PSMC5: variants seen among roughly 807,000 people sequenced by gnomAD.
PSMC5 encodes the protein 26S proteasome regulatory subunit 8.
A neutral mutation model predicts 49.1 loss-of-function variants in PSMC5; 11 were observed. The observed-to-expected ratio is 0.22, with a 90% CI of 0.14 to 0.37. The LOEUF (loss-of-function observed/expected upper bound fraction) is 0.37, where lower values mean the gene tolerates loss of function less well. PSMC5 is among the 10% of genes least tolerant of loss of function. The pLI is 1.00. For synonymous variants in PSMC5, 206 were observed against 192.2 expected (o/e 1.07, Z -0.59); for missense variants, 229 against 520.9 (o/e 0.44, Z 5.45).
intron 1 of PSMC5, 59 bp downstream of exon 1, chr17:63,827,573 A>G: frequency 6.4e-7 from 1 of 1,550,682 alleles, no homozygotes. Flanking sequence ...AGCGAGCGTG[A>G]TCTGAGTGGA....
In PSMC5 at chr17:63,829,837, C is replaced by A; in HGVS notation, c.167-15C>A. 6.2e-7 allele frequency: 1 copy of A among 1,613,480 alleles called. No individual in the cohort carries two copies. Among genetic ancestry groups the A allele is most frequent in the South Asian group, 1.1e-5 (1 of 91,028 alleles). On this transcript the variant is annotated splice_polypyrimidine_tract_variant and intron_variant, in intron 3 of 11. Transcript: ENST00000310144. ...AGGAGTAGCTAGGTGACCACTGTGTCTGTTTGCCATCTAGTTCGCCTATTG... is the reference window on the plus strand; with the variant it reads ...AGGAGTAGCTAGGTGACCACTGTGTATGTTTGCCATCTAGTTCGCCTATTG...
chr17:63,830,691 G>T lies in PSMC5; in HGVS notation c.553-118G>T. 7.3e-7 allele frequency: 1 copy of T among 1,365,330 alleles called. No individual in the cohort carries two copies. The highest frequency in any genetic ancestry group is 2.7e-5 in the African/African-American group (1 of 37,234). The allele number at this position is 1,365,330 out of a possible 1,614,324, so 84.6% of individuals were successfully genotyped here. Reference sequence around the variant, plus strand: ...TGGTTTGGATAGAAGGGACCTTGATGTTCCTTTTTTTTTTTTGTATCCCTA... The same window carrying T: ...TGGTTTGGATAGAAGGGACCTTGATTTTCCTTTTTTTTTTTTGTATCCCTA... On this transcript the variant is annotated intron_variant, in intron 6 of 11. Coordinates refer to ENST00000310144, the MANE Select transcript of PSMC5 (RefSeq NM_002805.6). The surrounding 1 kb of genome is among the most constrained non-coding windows in gnomAD (Gnocchi z 4.0).
At chr17:63,829,267 G>C (rs2040151576) in intron 2 of PSMC5, 2 of 489,166 alleles carry the variant, frequency 4.1e-6, no homozygotes, top group African/African-American at 3.9e-5. Context: ...TGTTACTCCT[G>C]GACCAGTATT....
In PSMC5 at chr17:63,830,199, G is replaced by A; in HGVS notation, c.321+10G>A. ...CATTGACATCAATGATGTGAGTGTA[G>A]CAGGTGAGGTGGTGGTGGTGGTGGG... On this transcript the variant is annotated intron_variant, in intron 5 of 11. Transcript: ENST00000310144. This position sits in a 1 kb window ranked among gnomAD's most constrained non-coding sequence, Gnocchi z 4.0. 1.2e-6 allele frequency: 2 copies of A among 1,614,128 alleles called. No individual in the cohort carries two copies. The highest frequency in any genetic ancestry group is 2.2e-5 in the East Asian group (1 of 44,886).
At chr17:63,828,767 A>G (rs1173441879) in intron 2 of PSMC5, 1 of 155,954 alleles carries the variant, frequency 6.4e-6, no homozygotes, top group African/African-American at 2.4e-5. Flanking sequence ...TATGGCTTCC[A>G]GTAGTAAGCC....
At chr17:63,829,322 C>G in intron 2 of PSMC5, 172 bp from the exon 3 acceptor site, 1 of 626,184 alleles carries the variant, frequency 1.6e-6, no homozygotes, top group East Asian at 2.8e-5. Context: ...TCCAGAGGGA[C>G]TCTTGAAGGA....
In PSMC5 at chr17:63,831,690, A is replaced by G; in HGVS notation, c.1081-34A>G. 21 of 1,613,908 alleles carry G rather than the reference A, an allele frequency of 1.3e-5. No individual in the cohort carries two copies. Among genetic ancestry groups the G allele is most frequent in the Non-Finnish European group, 1.8e-5 (21 of 1,179,760 alleles). On this transcript the variant is annotated intron_variant, in intron 10 of 11. Transcript: ENST00000310144. This position sits in a 1 kb window ranked among gnomAD's most constrained non-coding sequence, Gnocchi z 6.3. ...CTCAAGGGCCACAGATGAGGGGCAC[A>G]GCAGTGGGGCCTCAATTTCCTTTTC... is the stretch of plus-strand genomic sequence containing the variant.
chr17:63,827,483 G>T lies in PSMC5; in HGVS notation c.-8G>T. 1 of 1,551,744 alleles carries T rather than the reference G, an allele frequency of 6.4e-7. No individual in the cohort carries two copies. The highest frequency in any genetic ancestry group is 8.7e-7 in the Non-Finnish European group (1 of 1,147,006). On this transcript the variant is annotated 5_prime_UTR_variant, in exon 1 of 12. It introduces an in-frame stop codon into an upstream open reading frame of the 5' UTR. Transcript: ENST00000310144. ...TCGGATGCCGGCGGTCTCTGCTGAAGAGAGAAGATGGCGCTTGACGGACCA... is the reference window on the plus strand; with the variant it reads ...TCGGATGCCGGCGGTCTCTGCTGAATAGAGAAGATGGCGCTTGACGGACCA...
At position 63,828,168 on chromosome 17, in the gene PSMC5, G is replaced by A; in HGVS notation, c.55G>A (p.Gly19Arg). 2 of 1,614,134 alleles carry A rather than the reference G, an allele frequency of 1.2e-6. No individual in the cohort carries two copies. Among genetic ancestry groups the A allele is most frequent in the Non-Finnish European group, 8.5e-7 (1 of 1,180,028 alleles). Reference protein sequence around the residue: ...MELEEGKAGSGLRQYYLSKIE... With the variant: ...MELEEGKAGSRLRQYYLSKIE... The stretch of plus-strand genomic sequence containing the variant: ...GCTGGAGGAGGGGAAGGCAGGCAGC[G>A]GACTCCGCCAATATTATCTGTCCAA... The change falls in exon 2 of 12, where the codon GGA becomes AGA. Residue 19 changes from glycine (G) to arginine (R), a missense_variant. Transcript: ENST00000310144.
Position 63,830,847 on chromosome 17 carries a change from A to G in PSMC5, c.591A>G (p.Thr197=), listed in dbSNP as rs1471812568. The G allele has an allele frequency of 3.1e-6, 5 of 1,613,922 alleles. No individual in the cohort carries two copies. Among genetic ancestry groups the G allele is most frequent in the Middle Eastern group, 1.6e-4 (1 of 6,084 alleles). ...LLYGPPGTGK[T]LLARAVAHHT... Reference sequence around the variant, plus strand: ...ATGGACCTCCAGGCACTGGGAAGACACTGTTGGCCCGGGCTGTGGCTCATC... The same window carrying G: ...ATGGACCTCCAGGCACTGGGAAGACGCTGTTGGCCCGGGCTGTGGCTCATC... Residue 197 remains threonine (T), a synonymous_variant, in exon 7 of 12, where the codon ACA becomes ACG. Coordinates refer to ENST00000310144, the MANE Select transcript of PSMC5 (RefSeq NM_002805.6). This position sits in a 1 kb window ranked among gnomAD's most constrained non-coding sequence, Gnocchi z 4.0.
In PSMC5 at chr17:63,830,992, A is replaced by G; in HGVS notation, c.680-44A>G. On this transcript the variant is annotated intron_variant, in intron 7 of 11. Transcript: ENST00000310144. This position sits in a 1 kb window ranked among gnomAD's most constrained non-coding sequence, Gnocchi z 4.0. ...GGTAGGGGTAGGGGGTTAGAGAGCT[A>G]ATAAGCTAATAAGCTCCCTAACACC... 2 of 1,606,672 alleles carry G rather than the reference A, an allele frequency of 1.2e-6. No homozygotes were observed. Among genetic ancestry groups the G allele is most frequent in the Non-Finnish European group, 1.7e-6 (2 of 1,175,726 alleles).
Position 63,830,503 on chromosome 17 carries a change from T to C in PSMC5, c.552+2T>C. 1 of 1,613,740 alleles carries C rather than the reference T, an allele frequency of 6.2e-7. No homozygotes were observed. The highest frequency in any genetic ancestry group is 8.5e-7 in the Non-Finnish European group (1 of 1,179,982). ...GCACTGGGCATTGCTCAGCCCAAGG[T>C]GAGGAGCAGGGCTTCTCTGAGAGGG... is the stretch of plus-strand genomic sequence containing the variant. On this transcript the variant is annotated splice_donor_variant, in intron 6 of 11. Coordinates refer to ENST00000310144, the MANE Select transcript of PSMC5 (RefSeq NM_002805.6). LOFTEE classifies it high-confidence loss of function. The surrounding 1 kb of genome is among the most constrained non-coding windows in gnomAD (Gnocchi z 4.0).
At position 63,830,349 on chromosome 17, in the gene PSMC5, T is replaced by C. The variant is rs2040167872; in HGVS notation, c.400T>C (p.Leu134=). The part of the protein sequence containing the change: ...HKILPNKVDP[L]VSLMMVEKVP... Reference sequence around the variant, plus strand: ...GATCCTGCCCAACAAGGTAGACCCATTAGTGTCACTGATGATGGTGGAGAA... The same window carrying C: ...GATCCTGCCCAACAAGGTAGACCCACTAGTGTCACTGATGATGGTGGAGAA... Residue 134 remains leucine, a synonymous_variant, in exon 6 of 12, where the codon TTA becomes CTA. Transcript: ENST00000310144. The surrounding 1 kb of genome is among the most constrained non-coding windows in gnomAD (Gnocchi z 4.0). The C allele has an allele frequency of 6.2e-7, 1 of 1,614,084 alleles. No homozygotes were observed. Among genetic ancestry groups the C allele is most frequent in the African/African-American group, 1.3e-5 (1 of 74,926 alleles).
rs772459737 is a variant in PSMC5, at chr17:63,830,144, A to C, written c.276A>C (p.Glu92Asp). 1 of 1,614,030 alleles carries C rather than the reference A, an allele frequency of 6.2e-7. No homozygotes were observed. The highest frequency in any genetic ancestry group is 8.5e-7 in the Non-Finnish European group (1 of 1,179,966). Residue 92 changes from glutamate to aspartate, a missense_variant, in exon 5 of 12, where the codon GAA (glutamate) becomes GAC (aspartate). Coordinates refer to ENST00000310144, the MANE Select transcript of PSMC5 (RefSeq NM_002805.6). This position sits in a 1 kb window ranked among gnomAD's most constrained non-coding sequence, Gnocchi z 4.0. ...CCTTGTTTCTTTAGGTACATCCTGA[A>C]GGTAAATTTGTTGTAGACGTGGACA... ...KKKVLVKVHP[E>D]GKFVVDVDKN...
In PSMC5 at chr17:63,829,422, G is replaced by A. The variant is rs912910172; in HGVS notation, c.97-72G>A. 1.1e-5 allele frequency: 15 copies of A among 1,410,786 alleles called. No homozygotes were observed. The Admixed American group carries it at 2.8e-4, about 26-fold the overall frequency. The allele number at this position is 1,410,786 out of a possible 1,614,324, so 87.4% of individuals were successfully genotyped here. On this transcript the variant is annotated intron_variant, in intron 2 of 11. Coordinates refer to ENST00000310144, the MANE Select transcript of PSMC5 (RefSeq NM_002805.6). ...CCCTCAGCTCATTCAGACCTGTGAG[G>A]TCTTGGCCAAGATCCTACCTCCTCC...
intron 3 of PSMC5, 109 bp downstream of exon 3, chr17:63,829,672 C>A: frequency 1.6e-6 from 2 of 1,262,810 alleles, no homozygotes; most frequent in South Asian, 1.3e-5. Flanking sequence ...TCCCTGTCAT[C>A]ATCTAGTAGT....
At position 63,831,848 on chromosome 17, in the gene PSMC5, C is replaced by T. The variant is rs762047664; in HGVS notation, c.1167+38C>T. 2.3e-5 allele frequency: 37 copies of T among 1,613,096 alleles called. No homozygotes were observed. Among genetic ancestry groups the T allele is most frequent in the Non-Finnish European group, 2.8e-5 (33 of 1,179,182 alleles). ...ATCTTTGTGCCTTTGCCAGTGGTGG[C>T]TCTGGGGCAGTGGGCTAGGGCATGT... On this transcript the variant is annotated intron_variant, in intron 11 of 11. Transcript: ENST00000310144. The surrounding 1 kb of genome is among the most constrained non-coding windows in gnomAD (Gnocchi z 6.3).
Position 63,831,313 on chromosome 17 carries a change from C to CT in PSMC5, c.871-11dup, listed in dbSNP as rs768697661. Reference sequence around the variant, plus strand: ...AAGAGGTTTAGCTGATCCCCACTTGCTTTCTCTGCTCAGGTTATCATGGCT... The same window carrying CT: ...AAGAGGTTTAGCTGATCCCCACTTGCTTTTCTCTGCTCAGGTTATCATGGCT... On this transcript the variant is annotated splice_polypyrimidine_tract_variant and intron_variant, in intron 8 of 11. Coordinates refer to ENST00000310144, the MANE Select transcript of PSMC5 (RefSeq NM_002805.6). This position sits in a 1 kb window ranked among gnomAD's most constrained non-coding sequence, Gnocchi z 6.3. The CT allele has an allele frequency of 1.2e-6, 2 of 1,613,438 alleles. No individual in the cohort carries two copies. Among genetic ancestry groups the CT allele is most frequent in the African/African-American group, 2.7e-5 (2 of 74,894 alleles).
rs1283812429 is a variant in PSMC5 at position 63,831,189 on chromosome 17, A to G, written c.833A>G (p.Asn278Ser). ...CAGCGCACGATGCTGGAGTTGCTCAACCAGCTCGACGGCTTTGAGGCCACC... is the reference window on the plus strand; with the variant it reads ...CAGCGCACGATGCTGGAGTTGCTCAGCCAGCTCGACGGCTTTGAGGCCACC... ...EVQRTMLELL[N>S]QLDGFEATKN... The change falls in exon 8 of 12, where the codon AAC (asparagine) becomes AGC (serine). Residue 278 changes from asparagine (N) to serine (S), a missense_variant. Physicochemically the swap from Asn to Ser is conservative, Grantham distance 46 (BLOSUM62 1). Transcript: ENST00000310144. The surrounding 1 kb of genome is among the most constrained non-coding windows in gnomAD (Gnocchi z 6.3). 6.4e-7 allele frequency: 1 copy of G among 1,561,558 alleles called. No homozygotes were observed. The highest frequency in any genetic ancestry group is 8.7e-7 in the Non-Finnish European group (1 of 1,152,536).
Sources: gnomAD v4.1 joint callset for allele counts on GRCh38, gnomAD v4.1.1 for gene constraint, Gnocchi (gnomAD v3.1) non-coding constraint, MANE v1.5 for transcripts, NCBI Gene and HGNC (gene_info 2026-07-23, HGNC 2026-07-21) for gene names.